PCDH9: variants seen among roughly 807,000 people sequenced by gnomAD.
PCDH9 encodes the protein protocadherin 9.
PCDH9 carries 24 observed loss-of-function variants against 70.6 expected under a neutral mutation model. That is an observed-to-expected ratio of 0.34 (90% confidence interval 0.25 to 0.48). The LOEUF is 0.48. PCDH9 is among the 20% of genes least tolerant of loss of function. The probability of loss-of-function intolerance (pLI) is 0.99; values close to 1 mark genes in which losing one functional copy is unlikely to be tolerated. For missense variants in PCDH9, 1,281 were observed against 1,503.6 expected, an observed-to-expected ratio of 0.85 and a Z score of 2.45; for synonymous variants, 562 against 558.5, an observed-to-expected ratio of 1.01 and a Z score of -0.09.
At position 66,866,283 on chromosome 13, in the gene PCDH9, C is replaced by A. The variant is rs2081573088; in HGVS notation, c.3138+37221G>T. On this transcript the variant is annotated intron_variant, in intron 3 of 4. Coordinates refer to ENST00000377865, the MANE Select transcript of PCDH9 (RefSeq NM_203487.3). ...TGATCACGAGGTCAGGAGATAGAGA[C>A]CATCCTGGCTAATACGGTGAAACCC... Among the ~76,000 whole-genome samples, 4 of 150,354 alleles carry A rather than the reference C, an allele frequency of 2.7e-5. No homozygotes were observed. The South Asian group carries it at 8.4e-4, about 32-fold the overall frequency.
At chr13:66,391,514 C>T (rs146612844) in intron 4 of PCDH9, among the ~76,000 whole-genome samples, 2 of 152,210 alleles carry the variant, frequency 1.3e-5, no homozygotes, top group Non-Finnish European at 2.9e-5. Flanking sequence ...AAAAGAGGAA[C>T]TTGCCAATGA....
chr13:66,462,458 G>A (rs116516076), intron 4 of PCDH9, among the ~76,000 whole-genome samples: 2,227 of 151,740 alleles, frequency 0.015, 49 homozygotes, highest in African/African-American at 0.05. Flanking sequence ...AAAGATCACG[G>A]GAGCTAAATA....
intron 2 of PCDH9, among the ~76,000 whole-genome samples, chr13:66,988,057 G>T (rs2083930068): frequency 6.6e-6 from 1 of 151,722 alleles, no homozygotes; most frequent in Non-Finnish European, 1.5e-5. Flanking sequence ...TGGCACTATG[G>T]TCAGCTAATA....
chr13:66,403,000 G>T (rs1344145410), intron 4 of PCDH9, among the ~76,000 whole-genome samples: 1 of 151,912 alleles, frequency 6.6e-6, no homozygotes, highest in African/African-American at 2.4e-5. Context: ...CAAACACATT[G>T]TCCTTAGACA....
intron 3 of PCDH9, among the ~76,000 whole-genome samples, chr13:66,737,169 G>A (rs1450133000): frequency 6.7e-6 from 1 of 149,744 alleles, no homozygotes; most frequent in Non-Finnish European, 1.5e-5. Flanking sequence ...GTTTTAGAAA[G>A]GTTGCACTAA....
At chr13:66,634,156 G>A (rs113650389) in intron 3 of PCDH9, among the ~76,000 whole-genome samples, 1,859 of 152,192 alleles carry the variant, frequency 0.012, 38 homozygotes, top group African/African-American at 0.042. Flanking sequence ...AAACTATGGA[G>A]GCTTATGAAA....
rs2082134283 is a variant in PCDH9, at chr13:66,893,868, C to T, written c.3138+9636G>A. Among the ~76,000 whole-genome samples, 3 of 152,090 alleles carry T rather than the reference C, an allele frequency of 2.0e-5. No individual in the cohort carries two copies. The South Asian group carries it at 6.2e-4, about 32-fold the overall frequency. On this transcript the variant is annotated intron_variant, in intron 3 of 4. Transcript: ENST00000377865. ...TATACAACCTATTCTATTCTACTCT[C>T]TTACATTCCATTAAAAATTGTCCTC...
At chr13:66,749,044 G>A (rs2079416603) in intron 3 of PCDH9, among the ~76,000 whole-genome samples, 1 of 152,104 alleles carries the variant, frequency 6.6e-6, no homozygotes, top group Non-Finnish European at 1.5e-5. Flanking sequence ...TGTGAAGAAG[G>A]ACATGTTAGC....
intron 3 of PCDH9, among the ~76,000 whole-genome samples, chr13:66,697,510 A>G (rs2078580014): frequency 6.6e-6 from 1 of 152,212 alleles, no homozygotes; most frequent in Non-Finnish European, 1.5e-5. Flanking sequence ...TTGCACCAAG[A>G]CCATTTTTAA....
intron 2 of PCDH9, among the ~76,000 whole-genome samples, chr13:67,105,145 T>A (rs7328972): frequency 0.1 from 15,379 of 152,134 alleles, 847 homozygotes; most frequent in South Asian, 0.14. Flanking sequence ...CTCCTTTTTA[T>A]AGTTGGATCA....
intron 2 of PCDH9, among the ~76,000 whole-genome samples, chr13:67,190,831 C>T (rs1206835179): frequency 2.0e-5 from 3 of 152,030 alleles, no homozygotes; most frequent in Non-Finnish European, 4.4e-5. Context: ...GTTCTATGTG[C>T]TTTAAGTTCT....
At chr13:66,616,711 T>C (rs189391350) in intron 4 of PCDH9, among the ~76,000 whole-genome samples, 9 of 152,154 alleles carry the variant, frequency 5.9e-5, no homozygotes, top group Admixed American at 2.6e-4. Context: ...CCAAGGAAGC[T>C]AACCAAAGCC....
chr13:66,716,775 T>C (rs1298066182), intron 3 of PCDH9, among the ~76,000 whole-genome samples: 1 of 152,202 alleles, frequency 6.6e-6, no homozygotes, highest in Non-Finnish European at 1.5e-5. Context: ...CAATCAGCTG[T>C]ACTCAGTGGT....
At chr13:66,982,168 C>T (rs1566339089) in intron 2 of PCDH9, among the ~76,000 whole-genome samples, 2 of 152,216 alleles carry the variant, frequency 1.3e-5, no homozygotes, top group East Asian at 1.9e-4. Flanking sequence ...GTGCCTGCTC[C>T]GGCTTCGCCT....
At chr13:66,944,247 T>A (rs946667154) in intron 2 of PCDH9, among the ~76,000 whole-genome samples, 2 of 130,246 alleles carry the variant, frequency 1.5e-5, no homozygotes, top group Non-Finnish European at 3.1e-5. Flanking sequence ...CTAATAAATC[T>A]CTGTTTCTTT....
intron 2 of PCDH9, among the ~76,000 whole-genome samples, chr13:67,185,707 T>G (rs978757793): frequency 2.6e-5 from 4 of 152,180 alleles, no homozygotes; most frequent in African/African-American, 9.6e-5. Context: ...GAATTAAAAA[T>G]AGTTAAACGT....
chr13:66,569,540 A>G (rs545944308), intron 4 of PCDH9, among the ~76,000 whole-genome samples: 1 of 152,270 alleles, frequency 6.6e-6, no homozygotes, highest in South Asian at 2.1e-4. Flanking sequence ...GTCATTACAA[A>G]TCACATTATA....
At chr13:66,899,833 G>A (rs2139589963) in intron 3 of PCDH9, among the ~76,000 whole-genome samples, 1 of 152,102 alleles carries the variant, frequency 6.6e-6, no homozygotes, top group Non-Finnish European at 1.5e-5. Flanking sequence ...ATGTCAGGGA[G>A]AGAAAACTTA....
intron 2 of PCDH9, among the ~76,000 whole-genome samples, chr13:66,905,615 GC>G (rs1383977095): frequency 9.9e-5 from 15 of 151,976 alleles, no homozygotes; most frequent in African/African-American, 3.6e-4. Flanking sequence ...CTGATATCTT[GC>G]TCCATAGAAT....
Sources: gnomAD v4.1 joint callset for allele counts (sites outside exome capture counted in the v4.1 genomes callset) on GRCh38, gnomAD v4.1.1 for gene constraint, MANE v1.5 for transcripts, NCBI Gene and HGNC (gene_info 2026-07-23, HGNC 2026-07-21) for gene names.